PIKFYVE: variants seen among roughly 807,000 people sequenced by gnomAD.
PIKFYVE encodes the protein 1-phosphatidylinositol 3-phosphate 5-kinase.
PIKFYVE carries 122 observed loss-of-function variants against 257.9 expected under a neutral mutation model. The observed-to-expected ratio is 0.47, with a 90% CI of 0.41 to 0.55. The LOEUF is 0.55. PIKFYVE is among the 20% of genes least tolerant of loss of function. The probability of loss-of-function intolerance (pLI) is 0.00; values close to 1 mark genes in which losing one functional copy is unlikely to be tolerated. For synonymous variants in PIKFYVE, 892 were observed against 868.9 expected, an observed-to-expected ratio of 1.03 and a Z score of -0.47; for missense variants, 2,160 against 2,536.6, an observed-to-expected ratio of 0.85 and a Z score of 3.19.
chr2:208,348,378 C>T (rs1699433631), intron 35 of PIKFYVE, among the ~76,000 whole-genome samples: 1 of 152,154 alleles, frequency 6.6e-6, no homozygotes, highest in African/African-American at 2.4e-5. Flanking sequence ...TTCCACTACT[C>T]CCTCAAATGT....
chr2:208,304,392 T>C, intron 11 of PIKFYVE, 74 bp downstream of exon 11: 1 of 1,542,026 alleles, frequency 6.5e-7, no homozygotes, highest in Non-Finnish European at 8.9e-7. Flanking sequence ...ATTATCTTGT[T>C]TGTTGAAATA....
chr2:208,350,844 G>A lies in PIKFYVE; in HGVS notation c.5508G>A (p.Val1836=). 1 of 1,614,184 alleles carries A rather than the reference G, an allele frequency of 6.2e-7. No individual in the cohort carries two copies. The highest frequency in any genetic ancestry group is 8.5e-7 in the Non-Finnish European group (1 of 1,180,042). ...YAGEFHKMRE[V]ILDSSEEDFI... ...GAGAGTTTCATAAGATGCGTGAAGT[G>A]ATTCTGGACAGCAGTGAAGAAGATT... Residue 1836 remains valine (V), a synonymous_variant, in exon 37 of 42, where the codon GTG becomes GTA. Coordinates refer to ENST00000264380, the MANE Select transcript of PIKFYVE (RefSeq NM_015040.4).
chr2:208,340,145 A>C lies in PIKFYVE; in HGVS notation c.4931+14A>C. ...TCCATTTCCTTTGTAAGTATTATTA[A>C]AACCAGTGGCTCTTAGCAGGGGGGT... On this transcript the variant is annotated intron_variant, in intron 31 of 41. Transcript: ENST00000264380. 6.2e-7 allele frequency: 1 copy of C among 1,613,788 alleles called. No homozygotes were observed. Among genetic ancestry groups the C allele is most frequent in the South Asian group, 1.1e-5 (1 of 91,072 alleles).
chr2:208,343,960 T>G (rs890462618), intron 32 of PIKFYVE, among the ~76,000 whole-genome samples: 1 of 151,832 alleles, frequency 6.6e-6, no homozygotes, highest in Admixed American at 6.6e-5. Context: ...GCCTCCCAAG[T>G]AGCCCGCCAC....
chr2:208,275,729 G>A (rs1304835037), intron 3 of PIKFYVE, among the ~76,000 whole-genome samples: 1 of 152,038 alleles, frequency 6.6e-6, no homozygotes. Flanking sequence ...CACCTATCTA[G>A]CAAATGGTGA....
At chr2:208,310,528 T>C (rs1207427538) in intron 12 of PIKFYVE, among the ~76,000 whole-genome samples, 1 of 152,192 alleles carries the variant, frequency 6.6e-6, no homozygotes, top group Non-Finnish European at 1.5e-5. Context: ...TTCTGAACTA[T>C]TCTTGGAAAG....
chr2:208,310,867 T>G (rs1001072497), intron 12 of PIKFYVE, among the ~76,000 whole-genome samples: 1 of 152,190 alleles, frequency 6.6e-6, no homozygotes, highest in Non-Finnish European at 1.5e-5. Flanking sequence ...TGGAGACAGT[T>G]GGATAAACTT....
At position 208,356,118 on chromosome 2, in the gene PIKFYVE, G is replaced by C. The variant is rs1006740816; in HGVS notation, c.*813G>C. Reference sequence around the variant, plus strand: ...ATCATAGTAAATCATTAGTAAATGAGTCTGTAGTTACTAAACCCTAATGGA... The same window carrying C: ...ATCATAGTAAATCATTAGTAAATGACTCTGTAGTTACTAAACCCTAATGGA... On this transcript the variant is annotated 3_prime_UTR_variant, in exon 42 of 42. Coordinates refer to ENST00000264380, the MANE Select transcript of PIKFYVE (RefSeq NM_015040.4). 6.6e-6 allele frequency: 1 copy of C among 152,120 alleles called. No individual in the cohort carries two copies. Among genetic ancestry groups the C allele is most frequent in the Non-Finnish European group, 1.5e-5 (1 of 68,034 alleles). 9.4% of individuals were successfully genotyped at this position (152,120 alleles called of 1,614,324 possible).
At position 208,304,876 on chromosome 2, in the gene PIKFYVE, TCAG is replaced by T. The variant is rs1466515735; in HGVS notation, c.1503_1505del (p.Ser502del). 6.2e-7 allele frequency: 1 copy of T among 1,614,108 alleles called. No individual in the cohort carries two copies. Among genetic ancestry groups the T allele is most frequent in the Admixed American group, 1.7e-5 (1 of 60,026 alleles). ...GCCAGTCCTAGCAAGCGCACATCAG[TCAG>T]CAGTTTCCAGTCCACAGTGGACAGT... On this transcript the variant is annotated inframe_deletion, in exon 12 of 42. Coordinates refer to ENST00000264380, the MANE Select transcript of PIKFYVE (RefSeq NM_015040.4).
intron 10 of PIKFYVE, among the ~76,000 whole-genome samples, chr2:208,303,100 C>T (rs1483289950): frequency 6.6e-6 from 1 of 151,658 alleles, no homozygotes; most frequent in Admixed American, 6.6e-5. Flanking sequence ...CACAAACAAA[C>T]GAAAAACAAT....
At chr2:208,291,842 T>G (rs1284396442) in intron 7 of PIKFYVE, among the ~76,000 whole-genome samples, 1 of 152,102 alleles carries the variant, frequency 6.6e-6, no homozygotes, top group Non-Finnish European at 1.5e-5. Flanking sequence ...CACTTTGGAT[T>G]TAATATGCTT....
At chr2:208,346,331 C>G (rs1559168396) in intron 34 of PIKFYVE, among the ~76,000 whole-genome samples, 184 bp downstream of exon 34, 1 of 152,062 alleles carries the variant, frequency 6.6e-6, no homozygotes, top group African/African-American at 2.4e-5. Context: ...TTCGTTGATT[C>G]TTGTCTCAAG....
At chr2:208,303,158 A>G (rs1693911727) in intron 10 of PIKFYVE, among the ~76,000 whole-genome samples, 1 of 152,142 alleles carries the variant, frequency 6.6e-6, no homozygotes, top group Non-Finnish European at 1.5e-5. Context: ...AGTGGAAATT[A>G]TTTGAAGATT....
intron 21 of PIKFYVE, 113 bp downstream of exon 21, chr2:208,328,393 C>G (rs866699397): frequency 1.6e-6 from 2 of 1,246,294 alleles, no homozygotes; most frequent in East Asian, 4.8e-5. Context: ...ACACAGCACA[C>G]TGCTGGTCAT....
At chr2:208,319,687 A>G (rs934714) in intron 16 of PIKFYVE, among the ~76,000 whole-genome samples, 141,631 of 152,290 alleles carry the variant, frequency 0.93, 66,388 homozygotes, top group Non-Finnish European at 0.98. Context: ...TAAGCACACG[A>G]TTAGGGTATA....
chr2:208,310,110 C>T (rs374834872), intron 12 of PIKFYVE, among the ~76,000 whole-genome samples: 1 of 151,948 alleles, frequency 6.6e-6, no homozygotes, highest in Non-Finnish European at 1.5e-5. Context: ...GAAGTTGAAG[C>T]GTAATAGTTT....
At chr2:208,320,786 A>G (rs79376192) in intron 17 of PIKFYVE, among the ~76,000 whole-genome samples, 245 of 152,356 alleles carry the variant, frequency 1.6e-3, no homozygotes, top group African/African-American at 5.6e-3. Flanking sequence ...TTCCTAAGCA[A>G]GGAGGCCCAG....
At chr2:208,306,605 A>G (rs1694340825) in intron 12 of PIKFYVE, among the ~76,000 whole-genome samples, 2 of 152,184 alleles carry the variant, frequency 1.3e-5, no homozygotes, top group African/African-American at 2.4e-5. Context: ...ACAGTCAGAT[A>G]CTTACTTTTG....
In PIKFYVE at chr2:208,326,241, G is replaced by T; in HGVS notation, c.3430G>T (p.Asp1144Tyr). Residue 1144 changes from aspartate to tyrosine, a missense_variant, in exon 20 of 42, where the codon GAT becomes TAT. Physicochemically the swap from Asp to Tyr is radical, Grantham distance 160. This residue lies in a region of PIKFYVE where 522 missense variants were observed against 514.6 expected (regional missense o/e 1.01). Coordinates refer to ENST00000264380, the MANE Select transcript of PIKFYVE (RefSeq NM_015040.4). ...VSTRIAEHLG[D>Y]SQSLGRMLAD... is the part of the protein sequence containing the mutation. Reference sequence around the variant, plus strand: ...CACTAGAATTGCTGAGCATCTGGGCGATAGCCAGAGCTTGGGTAGAATGCT... The same window carrying T: ...CACTAGAATTGCTGAGCATCTGGGCTATAGCCAGAGCTTGGGTAGAATGCT... 1 of 1,591,178 alleles carries T rather than the reference G, an allele frequency of 6.3e-7. No homozygotes were observed. Among genetic ancestry groups the T allele is most frequent in the South Asian group, 1.2e-5 (1 of 86,900 alleles).
Sources: gnomAD v4.1 joint callset for allele counts (sites outside exome capture counted in the v4.1 genomes callset) on GRCh38, gnomAD v4.1.1 for gene constraint, gnomAD v4.1.1 regional missense constraint, MANE v1.5 for transcripts, NCBI Gene and HGNC (gene_info 2026-07-23, HGNC 2026-07-21) for gene names.